Variants in DAB1 observed in about 807,000 individuals in gnomAD.
DAB1 encodes the protein disabled homolog 1.
Under a neutral mutation model 64.6 loss-of-function variants are expected in DAB1, and 15 were observed. That is an observed-to-expected ratio of 0.23 (90% CI 0.16 to 0.36). The LOEUF (loss-of-function observed/expected upper bound fraction) is 0.36. DAB1 is among the 10% of genes least tolerant of loss of function. DAB1 has a pLI of 1.00. For synonymous variants in DAB1, 235 were observed against 251.9 expected (o/e 0.93, Z 0.64); for missense variants, 596 against 706.7 (o/e 0.84, Z 1.78).
At chr1:57,882,606 C>T (rs965945322) in intron 1 of DAB1, among the ~76,000 whole-genome samples, 7 of 152,136 alleles carry the variant, frequency 4.6e-5, no homozygotes, top group Non-Finnish European at 1.0e-4. Flanking sequence ...AAACCCTCTA[C>T]AAAATTGTCT....
intron 5 of DAB1, among the ~76,000 whole-genome samples, chr1:57,897,921 CA>C (rs1644416413): frequency 6.6e-6 from 1 of 152,154 alleles, no homozygotes. Context: ...GAAAGAGAAG[CA>C]TGTTGAACTG....
intron 3 of DAB1, among the ~76,000 whole-genome samples, chr1:58,491,272 C>T (rs1208990755): frequency 6.6e-6 from 1 of 152,126 alleles, no homozygotes; most frequent in East Asian, 1.9e-4. Flanking sequence ...AAGCACTAAA[C>T]ATGGAAAGGA....
chr1:57,951,965 A>G (rs1645288608), intron 5 of DAB1, among the ~76,000 whole-genome samples: 1 of 152,200 alleles, frequency 6.6e-6, no homozygotes, highest in South Asian at 2.1e-4. Flanking sequence ...TCAGAGGGCA[A>G]AAGGAAGTCA....
At chr1:57,585,603 T>A (rs1232587109) in intron 7 of DAB1, among the ~76,000 whole-genome samples, 2 of 152,164 alleles carry the variant, frequency 1.3e-5, no homozygotes, top group East Asian at 3.9e-4. Context: ...CTTGAATGCA[T>A]CTGGTTCGCA....
intron 6 of DAB1, among the ~76,000 whole-genome samples, chr1:57,706,336 C>T (rs1646966821): frequency 6.6e-6 from 1 of 151,404 alleles, no homozygotes; most frequent in African/African-American, 2.4e-5. Flanking sequence ...TCCAGGGTGT[C>T]AGTCTGTTGT....
At chr1:57,610,003 C>G (rs770771570) in intron 7 of DAB1, among the ~76,000 whole-genome samples, 20 of 152,172 alleles carry the variant, frequency 1.3e-4, no homozygotes, top group Non-Finnish European at 2.5e-4. Context: ...CCACTAATTG[C>G]CGGGTACTGG....
chr1:57,952,890 T>C (rs1645308376), intron 5 of DAB1, among the ~76,000 whole-genome samples: 1 of 151,600 alleles, frequency 6.6e-6, no homozygotes, highest in Admixed American at 6.6e-5. Flanking sequence ...GGCATCCCAG[T>C]CCATTCTGAA....
At chr1:58,000,048 G>C (rs1646483386) in intron 5 of DAB1, among the ~76,000 whole-genome samples, 1 of 151,732 alleles carries the variant, frequency 6.6e-6, no homozygotes, top group African/African-American at 2.4e-5. Context: ...AAAGGAGTGA[G>C]AAATGGAGGG....
chr1:57,121,129 AGAG>A (rs1272099655), intron 4 of DAB1, among the ~76,000 whole-genome samples: 1 of 126,822 alleles, frequency 7.9e-6, no homozygotes, highest in Non-Finnish European at 1.6e-5. Context: ...AAGAAGAAGA[AGAG>A]AAGAAGAAGG....
chr1:58,071,163 G>C (rs2100571078), intron 5 of DAB1, among the ~76,000 whole-genome samples: 1 of 152,244 alleles, frequency 6.6e-6, no homozygotes, highest in Non-Finnish European at 1.5e-5. Flanking sequence ...AGGAAACGAG[G>C]AAAATCTACA....
At chr1:58,203,258 A>G (rs1046807458) in intron 4 of DAB1, among the ~76,000 whole-genome samples, 14 of 152,234 alleles carry the variant, frequency 9.2e-5, no homozygotes, top group African/African-American at 3.4e-4. Context: ...CAACCAAGAC[A>G]CAATTGTGAT....
rs1651537491 is a variant in DAB1, at chr1:57,072,138, T to C, written c.438+145A>G. ...CCTTGCTCCAAGGCTGTTTATCTTT[T>C]CTAGATGGGAATGTGAGCATCAACT... On this transcript the variant is annotated intron_variant, in intron 5 of 14. Coordinates refer to ENST00000371236, the MANE Select transcript of DAB1 (RefSeq NM_001365792.1). 4 of 892,370 alleles carry C rather than the reference T, an allele frequency of 4.5e-6. No homozygotes were observed. In the East Asian group the frequency reaches 1.0e-4, roughly 23 times the overall value. 55.3% of individuals were successfully genotyped at this position (892,370 alleles called of 1,614,324 possible).
intron 2 of DAB1, among the ~76,000 whole-genome samples, chr1:57,267,244 G>T (rs1042297898): frequency 5.3e-5 from 8 of 151,732 alleles, no homozygotes; most frequent in South Asian, 2.1e-4. Context: ...GCAGGAAGAG[G>T]CAGAGAGCAA....
chr1:57,231,762 CT>C (rs1334295947), intron 2 of DAB1, among the ~76,000 whole-genome samples: 1 of 152,144 alleles, frequency 6.6e-6, no homozygotes, highest in Non-Finnish European at 1.5e-5. Context: ...TTTTTTCTCT[CT>C]ACTAATCTGT....
exon 3 of DAB1, chr1:58,506,158 CGAACTCCA>C: frequency 1.1e-6 from 1 of 872,282 alleles, no homozygotes; most frequent in Non-Finnish European, 2.0e-6. Flanking sequence ...AGGCTATCAA[CGAACTCCA>C]TTTGCTGCCA....
chr1:57,382,046 G>C (rs994529427), intron 1 of DAB1, among the ~76,000 whole-genome samples: 1 of 152,156 alleles, frequency 6.6e-6, no homozygotes, highest in African/African-American at 2.4e-5. Context: ...CTGGGGTTGA[G>C]GCTGCTAATT....
intron 5 of DAB1, among the ~76,000 whole-genome samples, chr1:58,139,709 A>T (rs1394228043): frequency 1.3e-5 from 2 of 152,176 alleles, no homozygotes; most frequent in African/African-American, 2.4e-5. Context: ...AGTCTGTGAA[A>T]AGCTTAAGCC....
At chr1:57,355,008 T>G (rs1211580368) in intron 1 of DAB1, among the ~76,000 whole-genome samples, 1 of 152,014 alleles carries the variant, frequency 6.6e-6, no homozygotes, top group Non-Finnish European at 1.5e-5. Flanking sequence ...AAACTGAGTG[T>G]CTTCTTGGCC....
chr1:57,805,677 G>A (rs1199328837), intron 6 of DAB1, among the ~76,000 whole-genome samples: 1 of 152,072 alleles, frequency 6.6e-6, no homozygotes, highest in Non-Finnish European at 1.5e-5. Flanking sequence ...TCACCATTTG[G>A]ATATCCAATA....
Sources: gnomAD v4.1 joint callset for allele counts (sites outside exome capture counted in the v4.1 genomes callset) on GRCh38, gnomAD v4.1.1 for gene constraint, MANE v1.5 for transcripts, NCBI Gene and HGNC (gene_info 2026-07-23, HGNC 2026-07-21) for gene names.